The following MEIS1 variants were observed in gnomAD, a reference collection of about 807,000 sequenced individuals.
The protein encoded by MEIS1 is Meis homeobox 1.
In MEIS1, 5 loss-of-function variants were observed where a neutral mutation model predicts 50.8. The ratio of observed to expected loss-of-function variants is 0.10; its 90% confidence interval spans 0.05 to 0.21. The LOEUF (loss-of-function observed/expected upper bound fraction) is 0.21. MEIS1 is among the 10% of genes least tolerant of loss of function. MEIS1 has a pLI of 1.00. For synonymous variants in MEIS1, 176 were observed against 179.3 expected, an observed-to-expected ratio of 0.98 and a Z score of 0.15; for missense variants, 318 against 517.3, an observed-to-expected ratio of 0.61 and a Z score of 3.74.
intron 7 of MEIS1, among the ~76,000 whole-genome samples, chr2:66,476,770 A>G (rs1437257201): frequency 6.6e-6 from 1 of 152,184 alleles, no homozygotes; most frequent in African/African-American, 2.4e-5. Context: ...GTGCTCCAGC[A>G]ACCACTACCT....
chr2:66,524,391 A>G (rs760381755), intron 8 of MEIS1, among the ~76,000 whole-genome samples: 1 of 151,982 alleles, frequency 6.6e-6, no homozygotes, highest in African/African-American at 2.4e-5. Flanking sequence ...ATGAAACCCC[A>G]TCTCTACAAA....
intron 7 of MEIS1, among the ~76,000 whole-genome samples, chr2:66,483,710 C>T (rs1247863470): frequency 6.6e-6 from 1 of 152,178 alleles, no homozygotes; most frequent in African/African-American, 2.4e-5. Flanking sequence ...GCTTATGTTC[C>T]TTCTATACCA....
At chr2:66,453,086 T>G (rs899809017) in intron 6 of MEIS1, among the ~76,000 whole-genome samples, 2 of 151,918 alleles carry the variant, frequency 1.3e-5, no homozygotes, top group South Asian at 2.1e-4. Context: ...TTCAATTAGG[T>G]GCATTGTTCT....
intron 6 of MEIS1, among the ~76,000 whole-genome samples, chr2:66,459,833 G>C (rs1048860658): frequency 7.9e-5 from 12 of 152,192 alleles, no homozygotes; most frequent in African/African-American, 2.9e-4. Context: ...TGGACTTGCT[G>C]AGTTGAAACA....
chr2:66,513,969 G>A (rs954794067), intron 8 of MEIS1, among the ~76,000 whole-genome samples: 1 of 152,164 alleles, frequency 6.6e-6, no homozygotes, highest in Non-Finnish European at 1.5e-5. Context: ...CAAAGGTGTG[G>A]TACAATGATG....
At chr2:66,548,148 GAAAAC>G in intron 9 of MEIS1, 129 bp downstream of exon 9, 2 of 795,418 alleles carry the variant, frequency 2.5e-6, no homozygotes, top group Non-Finnish European at 4.2e-6. Context: ...ATTCAAAAGT[GAAAAC>G]AAACTGTTGA....
chr2:66,470,016 C>T (rs1672730410), intron 7 of MEIS1, among the ~76,000 whole-genome samples: 1 of 151,862 alleles, frequency 6.6e-6, no homozygotes, highest in Non-Finnish European at 1.5e-5. Flanking sequence ...AAAATGGTTA[C>T]AAACGGTAAT....
chr2:66,445,938 T>A (rs1427679319), intron 6 of MEIS1, among the ~76,000 whole-genome samples: 1 of 152,118 alleles, frequency 6.6e-6, no homozygotes, highest in African/African-American at 2.4e-5. Flanking sequence ...CGCCTGGAGG[T>A]CCCTGCCGGA....
intron 9 of MEIS1, among the ~76,000 whole-genome samples, chr2:66,556,602 G>A (rs1246732065): frequency 9.2e-5 from 14 of 151,838 alleles, no homozygotes; most frequent in Non-Finnish European, 5.9e-5. Context: ...TTTACTCTAG[G>A]ATGCTAACTA....
intron 7 of MEIS1, among the ~76,000 whole-genome samples, chr2:66,501,791 A>G (rs1409576760): frequency 1.3e-5 from 2 of 152,178 alleles, no homozygotes; most frequent in African/African-American, 4.8e-5. Flanking sequence ...ACTCCAACGG[A>G]CAATTCTTAA....
At chr2:66,457,708 T>G (rs936545689) in intron 6 of MEIS1, among the ~76,000 whole-genome samples, 4 of 152,204 alleles carry the variant, frequency 2.6e-5, no homozygotes, top group African/African-American at 9.7e-5. Flanking sequence ...CAGTGTGGGA[T>G]GCTGACATAC....
rs1051360874 is a variant in MEIS1, at chr2:66,546,592, T to C, written c.889-1351T>C. ...CTCACCTGTAAAACAGAAGGGATGA[T>C]AGATTCCATTTATGTCACTCAAAGG... On this transcript the variant is annotated intron_variant, in intron 8 of 12. Transcript: ENST00000272369. Among the ~76,000 whole-genome samples, 4 of 152,212 alleles carry C rather than the reference T, an allele frequency of 2.6e-5. No homozygotes were observed. The East Asian group carries it at 5.8e-4, about 22-fold the overall frequency.
intron 8 of MEIS1, among the ~76,000 whole-genome samples, chr2:66,538,718 C>A (rs1434742415): frequency 6.6e-6 from 1 of 152,092 alleles, no homozygotes; most frequent in Non-Finnish European, 1.5e-5. Flanking sequence ...TCATTTAACT[C>A]ATATTTGATT....
chr2:66,572,628 T>C lies in MEIS1; in HGVS notation c.*1420T>C, dbSNP rs1441144219. The stretch of plus-strand genomic sequence containing the variant: ...CCAAGGAGCTAATTATTAATAACAA[T>C]CATTGCACACTGAGTCTTAGCGTTT... On this transcript the variant is annotated 3_prime_UTR_variant, in exon 13 of 13. Coordinates refer to ENST00000272369, the MANE Select transcript of MEIS1 (RefSeq NM_002398.3). The C allele has an allele frequency of 1.3e-5, 2 of 152,196 alleles. No individual in the cohort carries two copies. Among genetic ancestry groups the C allele is most frequent in the African/African-American group, 4.8e-5 (2 of 41,454 alleles). The allele number at this position is 152,196 out of a possible 1,614,324, so 9.4% of individuals were successfully genotyped here.
intron 9 of MEIS1, among the ~76,000 whole-genome samples, chr2:66,566,833 A>T (rs1446471676): frequency 6.6e-6 from 1 of 151,450 alleles, no homozygotes; most frequent in Non-Finnish European, 1.5e-5. Flanking sequence ...AACAACAACA[A>T]CAAAAAAAGC....
intron 6 of MEIS1, chr2:66,461,770 A>G (rs1450932495): frequency 1.2e-5 from 5 of 434,622 alleles, no homozygotes; most frequent in Non-Finnish European, 1.9e-5. Flanking sequence ...GCCCAACACA[A>G]TGAAAATGCA....
At position 66,567,439 on chromosome 2, in the gene MEIS1, T is replaced by C. The variant is rs1675376699; in HGVS notation, c.966-14T>C. The C allele has an allele frequency of 1.9e-6, 3 of 1,613,196 alleles. No individual in the cohort carries two copies. The highest frequency in any genetic ancestry group is 2.7e-5 in the African/African-American group (2 of 75,012). On this transcript the variant is annotated splice_polypyrimidine_tract_variant and intron_variant, in intron 9 of 12. Coordinates refer to ENST00000272369, the MANE Select transcript of MEIS1 (RefSeq NM_002398.3). ...TTTAAGGAATAACGATTTGTTTCAC[T>C]TTCTTGGTTACAGGTTTATTAATGC...
At position 66,568,971 on chromosome 2, in the gene MEIS1, T is replaced by G. The variant is rs996792224; in HGVS notation, c.1115-79T>G. 3.7e-6 allele frequency: 5 copies of G among 1,362,836 alleles called. No individual in the cohort carries two copies. In the African/African-American group the frequency reaches 7.2e-5, roughly 20 times the overall value. The allele number at this position is 1,362,836 out of a possible 1,614,324, so 84.4% of individuals were successfully genotyped here. ...TTCTCAACCCTCTAGATCCTGTTTT[T>G]TTTTTAAGGGTCTTTTGGCACTATC... On this transcript the variant is annotated intron_variant, in intron 11 of 12. Coordinates refer to ENST00000272369, the MANE Select transcript of MEIS1 (RefSeq NM_002398.3).
intron 6 of MEIS1, among the ~76,000 whole-genome samples, chr2:66,461,065 A>G (rs1413278093): frequency 5.3e-5 from 8 of 152,156 alleles, no homozygotes. Context: ...CCTCTTTGGG[A>G]CTTAATTTAA....
Sources: allele counts gnomAD v4.1 joint callset (sites outside exome capture counted in the v4.1 genomes callset), GRCh38; gene constraint gnomAD v4.1.1; transcripts MANE v1.5; gene names NCBI Gene and HGNC (gene_info 2026-07-23, HGNC 2026-07-21).